ERBIN: variants seen among roughly 807,000 people sequenced by gnomAD.
The protein encoded by ERBIN is erbb2 interacting protein, also known as densin-180-like protein.
Under a neutral mutation model 158.4 loss-of-function variants are expected in ERBIN, and 60 were observed. That is an observed-to-expected ratio of 0.38 (90% CI 0.31 to 0.47). ERBIN has a LOEUF of 0.47. Among genes scored for constraint, ERBIN ranks in the 20% least tolerant of loss-of-function variants. The pLI is 0.99. For synonymous variants in ERBIN, 594 were observed against 557.2 expected (o/e 1.07, Z -0.93); for missense variants, 1,610 against 1,648.0 (o/e 0.98, Z 0.40).
At chr5:66,030,577 T>G (rs1431316435) in intron 14 of ERBIN, among the ~76,000 whole-genome samples, 2 of 151,192 alleles carry the variant, frequency 1.3e-5, no homozygotes, top group Non-Finnish European at 3.0e-5. Context: ...TTTTTTTTTT[T>G]TTTGCGGCGG....
rs151265025 is a variant in ERBIN, at chr5:65,967,262, C to T, written c.-57-21373C>T. On this transcript the variant is annotated intron_variant, in intron 1 of 25. Coordinates refer to ENST00000284037, the MANE Select transcript of ERBIN (RefSeq NM_001253697.2). ...AGAAAAAAAATTTTAAATAAATTTA[C>T]ATAGCCTAAGTGTTTATAAAGTCTG... 9.6e-3 allele frequency among the ~76,000 whole-genome samples: 1,456 copies of T among 152,166 alleles called. 8 individuals carry two copies. The highest frequency in any genetic ancestry group is 0.028 in the South Asian group (135 of 4,818).
intron 1 of ERBIN, among the ~76,000 whole-genome samples, chr5:65,930,252 T>G (rs1253418141): frequency 6.6e-6 from 1 of 152,262 alleles, no homozygotes; most frequent in Non-Finnish European, 1.5e-5. Context: ...GAATATCCCC[T>G]TTGCATTTCA....
intron 5 of ERBIN, 54 bp downstream of exon 5, chr5:66,012,181 C>A: frequency 2.6e-6 from 3 of 1,166,222 alleles, no homozygotes; most frequent in Non-Finnish European, 3.7e-6. Context: ...AATTATGAAA[C>A]TAGTAGATAT....
chr5:65,991,933 A>G (rs1216636482), intron 2 of ERBIN, among the ~76,000 whole-genome samples: 1 of 152,188 alleles, frequency 6.6e-6, no homozygotes, highest in East Asian at 1.9e-4. Flanking sequence ...GGAAACTTGG[A>G]CTTTTCATAG....
intron 21 of ERBIN, among the ~76,000 whole-genome samples, chr5:66,061,955 TTCTC>T (rs1444735198): frequency 6.6e-6 from 1 of 152,246 alleles, no homozygotes. Context: ...AACCCAACCT[TTCTC>T]TCTGGCTGCC....
intron 1 of ERBIN, among the ~76,000 whole-genome samples, chr5:65,980,873 C>G (rs1484303667): frequency 1.3e-5 from 2 of 152,106 alleles, no homozygotes; most frequent in African/African-American, 2.4e-5. Flanking sequence ...GATGCCTATA[C>G]TTTTCGATAA....
chr5:65,996,457 G>A (rs998204908), intron 4 of ERBIN, among the ~76,000 whole-genome samples: 3 of 152,026 alleles, frequency 2.0e-5, no homozygotes, highest in African/African-American at 4.8e-5. Context: ...GACAAAATAC[G>A]TGGATTTATT....
chr5:65,944,603 C>T (rs569531988), intron 1 of ERBIN, among the ~76,000 whole-genome samples: 76 of 152,240 alleles, frequency 5.0e-4, no homozygotes, highest in Non-Finnish European at 8.8e-4. Flanking sequence ...TGGGGTTTCA[C>T]CATGTTTGCC....
At chr5:66,032,254 T>G (rs947157273) in intron 14 of ERBIN, among the ~76,000 whole-genome samples, 1 of 152,152 alleles carries the variant, frequency 6.6e-6, no homozygotes, top group African/African-American at 2.4e-5. Context: ...GGATGGCAAA[T>G]AAGATTTTTT....
chr5:66,047,062 C>T (rs58473516), intron 18 of ERBIN, among the ~76,000 whole-genome samples: 3,212 of 152,208 alleles, frequency 0.021, 118 homozygotes, highest in African/African-American at 0.072. Flanking sequence ...GCCATTACTA[C>T]AGTGACTTTT....
intron 13 of ERBIN, 44 bp downstream of exon 13, chr5:66,026,461 G>C: frequency 9.1e-7 from 1 of 1,103,950 alleles, no homozygotes; most frequent in South Asian, 1.5e-5. Context: ...GGAGACATTG[G>C]TTAGATGAAA....
Position 66,050,825 on chromosome 5 carries a change from A to G in ERBIN, c.1946A>G (p.His649Arg). 1 of 1,590,150 alleles carries G rather than the reference A, an allele frequency of 6.3e-7. No homozygotes were observed. Among genetic ancestry groups the G allele is most frequent in the Non-Finnish European group, 8.5e-7 (1 of 1,172,030 alleles). Residue 649 changes from histidine to arginine, a missense_variant, in exon 20 of 26, where the codon CAC becomes CGC. His to Arg is a conservative substitution (Grantham distance 29). This residue lies in a region of ERBIN where 1,014 missense variants were observed against 936.1 expected (regional missense o/e 1.08). Transcript: ENST00000284037. ...GATTCTTTATCAGATGAAGTTACACACAATAGCAATCAGAATAACAGCAAT... is the reference window on the plus strand; with the variant it reads ...GATTCTTTATCAGATGAAGTTACACGCAATAGCAATCAGAATAACAGCAAT... ...ETDSLSDEVT[H>R]NSNQNNSNCS...
chr5:65,959,107 C>T (rs554398466), intron 1 of ERBIN, among the ~76,000 whole-genome samples: 4 of 152,054 alleles, frequency 2.6e-5, no homozygotes, highest in Non-Finnish European at 5.9e-5. Flanking sequence ...TCATCAAGGA[C>T]ATTTATACTA....
intron 25 of ERBIN, among the ~76,000 whole-genome samples, chr5:66,077,746 C>T (rs1398827058): frequency 6.8e-6 from 1 of 147,426 alleles, no homozygotes; most frequent in Non-Finnish European, 1.5e-5. Context: ...CTCTTTTTCT[C>T]CCTCCCTCCC....
At chr5:65,982,446 T>C (rs1750759055) in intron 1 of ERBIN, among the ~76,000 whole-genome samples, 1 of 152,212 alleles carries the variant, frequency 6.6e-6, no homozygotes, top group Non-Finnish European at 1.5e-5. Context: ...GAAATGTTTA[T>C]GGAGAATTGT....
intron 3 of ERBIN, among the ~76,000 whole-genome samples, chr5:65,994,518 TCTCA>T (rs1211978743): frequency 2.6e-5 from 4 of 152,206 alleles, no homozygotes; most frequent in Non-Finnish European, 5.9e-5. Flanking sequence ...ATATACTTAT[TCTCA>T]CTAAGTGCAT....
chr5:66,041,998 G>C (rs1424826392), intron 15 of ERBIN, among the ~76,000 whole-genome samples: 2 of 151,974 alleles, frequency 1.3e-5, no homozygotes, highest in South Asian at 4.1e-4. Flanking sequence ...CATTCCCATT[G>C]GTAAGATTTG....
intron 1 of ERBIN, among the ~76,000 whole-genome samples, chr5:65,977,958 G>GGGGAGAGGAAGA (rs1750202479): frequency 6.9e-6 from 1 of 145,856 alleles, no homozygotes; most frequent in Non-Finnish European, 1.5e-5. Flanking sequence ...GAGAGGGTTA[G>GGGGAGAGGAAGA]GGGAGAGGGA....
chr5:65,961,621 G>C (rs180899295), intron 1 of ERBIN, among the ~76,000 whole-genome samples: 1 of 152,206 alleles, frequency 6.6e-6, no homozygotes, highest in Non-Finnish European at 1.5e-5. Flanking sequence ...GTTTTTGAGG[G>C]GGTTGGGAGT....
Sources: gnomAD v4.1 joint callset for allele counts (sites outside exome capture counted in the v4.1 genomes callset) on GRCh38, gnomAD v4.1.1 for gene constraint, gnomAD v4.1.1 regional missense constraint, MANE v1.5 for transcripts, NCBI Gene and HGNC (gene_info 2026-07-23, HGNC 2026-07-21) for gene names.